CSMD3: variants seen among roughly 807,000 people sequenced by gnomAD.
CSMD3 encodes CUB and Sushi multiple domains 3.
CSMD3 carries 177 observed loss-of-function variants against 435.2 expected under a neutral mutation model. The ratio of observed to expected loss-of-function variants is 0.41; its 90% CI spans 0.36 to 0.46. The LOEUF (loss-of-function observed/expected upper bound fraction) is 0.46, where lower values mean the gene tolerates loss of function less well. CSMD3 is among the 20% of genes least tolerant of loss of function. The pLI, the probability that CSMD3 is intolerant of heterozygous loss-of-function variation, is 0.34. For missense variants in CSMD3, 4,265 were observed against 4,504.6 expected, an observed-to-expected ratio of 0.95 and a Z score of 1.52; for synonymous variants, 1,656 against 1,520.5, an observed-to-expected ratio of 1.09 and a Z score of -2.07.
Position 112,352,436 on chromosome 8 carries a change from C to G in CSMD3, c.6235G>C (p.Asp2079His), listed in dbSNP as rs1327602628. ...CTTACCTGAAGAGAATATCCTTGAT[C>G]ACACTGAAAGGATACTACATCTCCA... The part of the protein sequence containing the change: ...MVGDVVSFQC[D>H]QGYSLQGHSH... Residue 2079 changes from aspartate (D) to histidine (H), a missense_variant, in exon 39 of 71, where the codon GAT (aspartate) becomes CAT (histidine). Physicochemically the swap from Asp to His is moderately conservative, Grantham distance 81. This residue lies in a region of CSMD3 where 3,255 missense variants were observed against 3,380.2 expected (regional missense o/e 0.96). Coordinates refer to ENST00000297405, the MANE Select transcript of CSMD3 (RefSeq NM_198123.2). 4 of 1,613,466 alleles carry G rather than the reference C, an allele frequency of 2.5e-6. No homozygotes were observed. The highest frequency in any genetic ancestry group is 3.4e-6 in the Non-Finnish European group (4 of 1,179,684).
At chr8:112,782,664 G>C (rs2078421198) in intron 13 of CSMD3, among the ~76,000 whole-genome samples, 1 of 151,918 alleles carries the variant, frequency 6.6e-6, no homozygotes, top group Non-Finnish European at 1.5e-5. Context: ...ACTCCTAAAG[G>C]TCAAGGATAA....
At chr8:112,338,776 C>A (rs940290410) in intron 42 of CSMD3, among the ~76,000 whole-genome samples, 28 of 152,002 alleles carry the variant, frequency 1.8e-4, no homozygotes, top group Non-Finnish European at 2.9e-5. Flanking sequence ...AAAAAATATT[C>A]TACACAAAAA....
At chr8:112,936,889 A>G (rs1265276704) in intron 9 of CSMD3, among the ~76,000 whole-genome samples, 1 of 152,144 alleles carries the variant, frequency 6.6e-6, no homozygotes, top group Non-Finnish European at 1.5e-5. Context: ...CTTTACTTCA[A>G]TAAAATATTA....
Position 112,314,434 on chromosome 8 carries a change from T to A in CSMD3, c.7544A>T (p.Tyr2515Phe). 4 of 1,599,466 alleles carry A rather than the reference T, an allele frequency of 2.5e-6. No individual in the cohort carries two copies. Among genetic ancestry groups the A allele is most frequent in the Non-Finnish European group, 2.6e-6 (3 of 1,166,936 alleles). The change falls in exon 48 of 71, where the codon TAT becomes TTT. Residue 2515 changes from tyrosine to phenylalanine, a missense_variant. By Grantham distance (22) the Tyr-to-Phe change is conservative. Coordinates refer to ENST00000297405, the MANE Select transcript of CSMD3 (RefSeq NM_198123.2). The stretch of plus-strand genomic sequence containing the variant: ...TAAATATAACCCTTGGTTACCATCA[T>A]ACACCTGAAGAACATCAAATTCCTT... ...TEKEFDVLQV[Y>F]DGPNIQSPVL... is the part of the protein sequence containing the mutation.
chr8:112,578,383 C>T (rs374643668), intron 23 of CSMD3, among the ~76,000 whole-genome samples: 10 of 151,852 alleles, frequency 6.6e-5, no homozygotes, highest in African/African-American at 2.4e-4. Context: ...AGTTCTGCAG[C>T]TTATTACAAA....
chr8:113,265,308 A>C (rs185803949), intron 3 of CSMD3, among the ~76,000 whole-genome samples: 1 of 151,656 alleles, frequency 6.6e-6, no homozygotes, highest in Admixed American at 6.6e-5. Context: ...AACAAAAAAA[A>C]ATAGCCTGGG....
At chr8:113,210,886 A>T (rs1292894785) in intron 3 of CSMD3, among the ~76,000 whole-genome samples, 3 of 152,106 alleles carry the variant, frequency 2.0e-5, no homozygotes, top group East Asian at 1.9e-4. Context: ...CTCAAAAAAA[A>T]AAAAGAATCT....
intron 4 of CSMD3, among the ~76,000 whole-genome samples, chr8:113,102,565 T>A (rs1335602768): frequency 6.6e-6 from 1 of 152,130 alleles, no homozygotes; most frequent in Non-Finnish European, 1.5e-5. Context: ...TTAGTACTAA[T>A]GCTGTATGTT....
At chr8:112,716,280 A>G (rs749820983) in intron 13 of CSMD3, among the ~76,000 whole-genome samples, 1 of 152,182 alleles carries the variant, frequency 6.6e-6, no homozygotes, top group Non-Finnish European at 1.5e-5. Flanking sequence ...TATGCCAACT[A>G]TAGATAAGCA....
intron 30 of CSMD3, among the ~76,000 whole-genome samples, chr8:112,493,604 C>T (rs1820921152): frequency 6.6e-6 from 1 of 152,104 alleles, no homozygotes; most frequent in Non-Finnish European, 1.5e-5. Context: ...ATGCAAAACA[C>T]TTTCAAAACT....
At chr8:112,415,407 A>C (rs1469401547) in intron 32 of CSMD3, among the ~76,000 whole-genome samples, 1 of 152,202 alleles carries the variant, frequency 6.6e-6, no homozygotes, top group Non-Finnish European at 1.5e-5. Context: ...ACCTCTACCT[A>C]GATTTCAGAA....
At chr8:113,211,788 C>T (rs1377235803) in intron 3 of CSMD3, among the ~76,000 whole-genome samples, 1 of 152,164 alleles carries the variant, frequency 6.6e-6, no homozygotes, top group African/African-American at 2.4e-5. Context: ...TCTGAATAGC[C>T]ATGGCATATA....
intron 2 of CSMD3, among the ~76,000 whole-genome samples, chr8:113,285,476 G>C (rs954582930): frequency 1.3e-5 from 2 of 152,052 alleles, no homozygotes; most frequent in African/African-American, 2.4e-5. Flanking sequence ...AGCCAGGATG[G>C]TCTCGATCTC....
chr8:113,093,150 A>G (rs1399040370), intron 5 of CSMD3, among the ~76,000 whole-genome samples: 1 of 152,138 alleles, frequency 6.6e-6, no homozygotes, highest in African/African-American at 2.4e-5. Context: ...CTGTTATTTG[A>G]GCAAAGATAT....
chr8:112,751,054 A>G (rs1319196375), intron 13 of CSMD3, among the ~76,000 whole-genome samples: 1 of 144,934 alleles, frequency 6.9e-6, no homozygotes, highest in Admixed American at 7.1e-5. Flanking sequence ...CCAAGGGATG[A>G]CAGTATAGTA....
intron 13 of CSMD3, among the ~76,000 whole-genome samples, chr8:112,735,192 G>T (rs2077160363): frequency 6.6e-6 from 1 of 152,042 alleles, no homozygotes; most frequent in Admixed American, 6.6e-5. Context: ...AATCTGGCTT[G>T]TTCTGTATAT....
intron 17 of CSMD3, 67 bp from the exon 18 acceptor site, chr8:112,656,408 G>A: frequency 8.4e-7 from 1 of 1,187,890 alleles, no homozygotes; most frequent in South Asian, 1.5e-5. Context: ...TAATGCTTTG[G>A]ACTGCTATTT....
chr8:112,350,061 A>G (rs1431763779), intron 40 of CSMD3, among the ~76,000 whole-genome samples: 2 of 152,204 alleles, frequency 1.3e-5, no homozygotes, highest in East Asian at 1.9e-4. Context: ...AAGATCATGC[A>G]AGAGATACCA....
intron 38 of CSMD3, among the ~76,000 whole-genome samples, chr8:112,360,611 G>A (rs1427427309): frequency 6.6e-6 from 1 of 151,722 alleles, no homozygotes; most frequent in Non-Finnish European, 1.5e-5. Context: ...GTCATTCCTT[G>A]TATTTTCCTG....
Sources: allele counts gnomAD v4.1 joint callset (sites outside exome capture counted in the v4.1 genomes callset), GRCh38; gene constraint gnomAD v4.1.1; regional missense constraint gnomAD v4.1.1; transcripts MANE v1.5; gene names NCBI Gene and HGNC (gene_info 2026-07-23, HGNC 2026-07-21).